The following ZNF536 variants were observed in gnomAD, a reference collection of about 807,000 sequenced individuals.
ZNF536 encodes zinc finger protein 536.
Under a neutral mutation model 84.5 loss-of-function variants are expected in ZNF536, and 13 were observed. That is an observed-to-expected ratio of 0.15 (90% CI 0.10 to 0.24). The LOEUF is 0.24. Ranked by LOEUF, ZNF536 falls within the 10% of genes least tolerant of loss-of-function variation. The pLI, the probability that ZNF536 is intolerant of heterozygous loss-of-function variation, is 1.00. For missense variants in ZNF536, 1,536 were observed against 1,747.5 expected, an observed-to-expected ratio of 0.88 and a Z score of 2.16; for synonymous variants, 811 against 742.5, an observed-to-expected ratio of 1.09 and a Z score of -1.50.
chr19:30,647,446 C>T lies in ZNF536; in HGVS notation c.170-63311C>T, dbSNP rs2049518490. ...ATTCTAAGATGGTTCCCATCTGCTC[C>T]CGGAGTTATCAGTCCTTAGACACTC... On this transcript the variant is annotated intron_variant, in intron 1 of 1. Coordinates refer to the ZNF536 transcript ENST00000592773. Among the ~76,000 whole-genome samples, 3 of 152,186 alleles carry T rather than the reference C, an allele frequency of 2.0e-5. No individual in the cohort carries two copies. In the South Asian group the frequency reaches 6.2e-4, roughly 32 times the overall value.
intron 1 of ZNF536, among the ~76,000 whole-genome samples, chr19:30,566,971 T>A (rs2046373658): frequency 6.6e-6 from 1 of 151,034 alleles, no homozygotes; most frequent in Non-Finnish European, 1.5e-5. Flanking sequence ...GCAGTGGAGG[T>A]CCCTGTGTGT....
intron 1 of ZNF536, among the ~76,000 whole-genome samples, chr19:30,409,617 C>T (rs1405354757): frequency 6.6e-6 from 1 of 152,218 alleles, no homozygotes; most frequent in African/African-American, 2.4e-5. Context: ...AAAGAGAATG[C>T]ACATTTAAAG....
chr19:30,700,444 C>T (rs59263283), intron 1 of ZNF536, among the ~76,000 whole-genome samples: 24,324 of 151,338 alleles, frequency 0.16, 2,279 homozygotes, highest in Middle Eastern at 0.23. Flanking sequence ...CTGCAGTGCA[C>T]TGGCACTCCA....
intron 2 of ZNF536, among the ~76,000 whole-genome samples, chr19:30,475,123 C>A (rs969035701): frequency 6.6e-6 from 1 of 152,162 alleles, no homozygotes; most frequent in Non-Finnish European, 1.5e-5. Flanking sequence ...CTCTGTCACC[C>A]AGGCTGGAGT....
intron 2 of ZNF536, among the ~76,000 whole-genome samples, chr19:30,331,292 TAA>T (rs11324495): frequency 0.013 from 539 of 41,682 alleles, no homozygotes; most frequent in Middle Eastern, 0.028. Context: ...CCCTGTATCT[TAA>T]AAAAAAAAAA....
chr19:30,598,024 TTGA>T (rs1166092952), intron 1 of ZNF536, among the ~76,000 whole-genome samples: 1 of 152,188 alleles, frequency 6.6e-6, no homozygotes, highest in Non-Finnish European at 1.5e-5. Flanking sequence ...TACATTGTTG[TTGA>T]TGGTGTTGTT....
intron 1 of ZNF536, among the ~76,000 whole-genome samples, chr19:30,570,298 G>C (rs1020057771): frequency 6.6e-6 from 1 of 152,150 alleles, no homozygotes; most frequent in Non-Finnish European, 1.5e-5. Flanking sequence ...GAAAAACTTT[G>C]TAAGAAGCCG....
chr19:30,619,115 C>G (rs1233116984), intron 1 of ZNF536, among the ~76,000 whole-genome samples: 1 of 152,118 alleles, frequency 6.6e-6, no homozygotes, highest in Non-Finnish European at 1.5e-5. Flanking sequence ...CCCTAACCCC[C>G]CATTTTTTGT....
chr19:30,394,441 C>T (rs919999014), intron 1 of ZNF536, among the ~76,000 whole-genome samples: 13 of 152,154 alleles, frequency 8.5e-5, no homozygotes, highest in Admixed American at 7.9e-4. Flanking sequence ...TCCCCACTCC[C>T]ACTTCTCAGC....
intron 1 of ZNF536, among the ~76,000 whole-genome samples, chr19:30,415,359 T>C (rs2050684612): frequency 6.7e-6 from 1 of 148,860 alleles, no homozygotes; most frequent in African/African-American, 2.5e-5. Flanking sequence ...CTCTTCCTCT[T>C]CCTTTTCCTT....
At chr19:30,705,374 G>T (rs150344563) in intron 1 of ZNF536, among the ~76,000 whole-genome samples, 1 of 151,974 alleles carries the variant, frequency 6.6e-6, no homozygotes, top group Non-Finnish European at 1.5e-5. Context: ...AAAACGCATT[G>T]TAAATTGTGT....
intron 2 of ZNF536, among the ~76,000 whole-genome samples, chr19:30,291,018 T>G (rs981306146): frequency 1.3e-5 from 2 of 152,242 alleles, no homozygotes; most frequent in East Asian, 3.8e-4. Flanking sequence ...GGACATGAAC[T>G]CATCCTTTTT....
At position 30,352,273 on chromosome 19, in the gene ZNF536, G is replaced by A. The variant is rs531003269; in HGVS notation, c.-119-95G>A. The A allele has an allele frequency of 5.3e-5, 8 of 152,276 alleles. No individual in the cohort carries two copies. The East Asian group carries it at 5.8e-4, about 11-fold the overall frequency. 9.4% of individuals were successfully genotyped at this position (152,276 alleles called of 1,614,324 possible). ...TTTGATTTCATCTTTAACCTTTTCCGTTGAATTTCCTTGACCTCTGCATAT... is the reference window on the plus strand; with the variant it reads ...TTTGATTTCATCTTTAACCTTTTCCATTGAATTTCCTTGACCTCTGCATAT... On this transcript the variant is annotated intron_variant, in intron 2 of 5. Transcript: ENST00000585628.
chr19:30,375,861 G>C (rs944717780), intron 1 of ZNF536, among the ~76,000 whole-genome samples: 1 of 152,168 alleles, frequency 6.6e-6, no homozygotes, highest in Non-Finnish European at 1.5e-5. Flanking sequence ...GCGTGTGTGT[G>C]TGTAGGCGCG....
At chr19:30,382,185 G>A (rs1175683977) in intron 1 of ZNF536, among the ~76,000 whole-genome samples, 2 of 152,176 alleles carry the variant, frequency 1.3e-5, no homozygotes, top group East Asian at 3.9e-4. Flanking sequence ...CCATTTCCGT[G>A]TTATGGCTAG....
chr19:30,492,044 G>T (rs1409388105), intron 2 of ZNF536, among the ~76,000 whole-genome samples: 1 of 150,650 alleles, frequency 6.6e-6, no homozygotes, highest in East Asian at 2.0e-4. Context: ...CTCACTAACT[G>T]GATATATGTA....
At chr19:30,427,911 A>T (rs1008303230) in intron 1 of ZNF536, among the ~76,000 whole-genome samples, 1 of 152,182 alleles carries the variant, frequency 6.6e-6, no homozygotes, top group African/African-American at 2.4e-5. Flanking sequence ...CTGTAATATA[A>T]TTATTTAAAA....
intron 2 of ZNF536, among the ~76,000 whole-genome samples, chr19:30,308,453 A>G (rs2046405146): frequency 6.6e-6 from 1 of 152,142 alleles, no homozygotes; most frequent in Non-Finnish European, 1.5e-5. Context: ...TAGAAGGAGA[A>G]GATTTTTTAA....
intron 1 of ZNF536, among the ~76,000 whole-genome samples, chr19:30,376,345 C>A (rs1260517505): frequency 6.6e-6 from 1 of 152,132 alleles, no homozygotes; most frequent in Non-Finnish European, 1.5e-5. Flanking sequence ...CCTGTTCCAC[C>A]CCGCAGAGGG....
Sources: gnomAD v4.1 joint callset for allele counts (sites outside exome capture counted in the v4.1 genomes callset) on GRCh38, gnomAD v4.1.1 for gene constraint, MANE v1.5 for transcripts, NCBI Gene and HGNC (gene_info 2026-07-23, HGNC 2026-07-21) for gene names.